JARID2: variants seen among roughly 807,000 people sequenced by gnomAD.
JARID2 encodes protein Jumonji.
In JARID2, 21 loss-of-function variants were observed where a neutral mutation model predicts 125.6. That is an observed-to-expected ratio of 0.17 (90% CI 0.12 to 0.24). The LOEUF is 0.24. JARID2 is among the 10% of genes least tolerant of loss of function. The pLI is 1.00. For missense variants in JARID2, 1,303 were observed against 1,639.6 expected, an observed-to-expected ratio of 0.79 and a Z score of 3.55; for synonymous variants, 736 against 661.6, an observed-to-expected ratio of 1.11 and a Z score of -1.73.
At chr6:15,470,176 C>CA (rs34467447) in intron 5 of JARID2, among the ~76,000 whole-genome samples, 82,249 of 128,616 alleles carry the variant, frequency 0.64, 24,994 homozygotes, top group East Asian at 0.78. Flanking sequence ...GACTCTGTCT[C>CA]AAAAAAAAAA....
chr6:15,377,076 C>T (rs1764383275), intron 2 of JARID2, among the ~76,000 whole-genome samples: 1 of 152,152 alleles, frequency 6.6e-6, no homozygotes, highest in Non-Finnish European at 1.5e-5. Flanking sequence ...CACTCATGTC[C>T]TATCTCATAG....
intron 4 of JARID2, among the ~76,000 whole-genome samples, chr6:15,454,606 T>A (rs1009088121): frequency 2.6e-5 from 4 of 151,772 alleles, no homozygotes; most frequent in African/African-American, 9.7e-5. Context: ...ACCTCTCCAA[T>A]AGCTAGACCT....
intron 1 of JARID2, chr6:15,247,875 T>C: frequency 2.0e-6 from 2 of 985,428 alleles, no homozygotes; most frequent in Non-Finnish European, 2.4e-6. Context: ...CTGGGTAGAA[T>C]GCAAAGGACT....
intron 5 of JARID2, among the ~76,000 whole-genome samples, chr6:15,471,727 G>T (rs535456873): frequency 6.6e-6 from 1 of 152,234 alleles, no homozygotes; most frequent in South Asian, 2.1e-4. Context: ...CATCTGCATG[G>T]ATCTTAGGTA....
chr6:15,320,850 C>CTGTGTGTG (rs71535033), intron 1 of JARID2, among the ~76,000 whole-genome samples: 201 of 135,116 alleles, frequency 1.5e-3, no homozygotes, highest in African/African-American at 4.8e-3. Context: ...CTCTCTCTCT[C>CTGTGTGTG]TCTGTGTGTG....
At chr6:15,508,523 G>T in intron 12 of JARID2, 69 bp downstream of exon 12, 1 of 854,650 alleles carries the variant, frequency 1.2e-6, no homozygotes. Flanking sequence ...AGTGGGGCCT[G>T]TGGGTAACTT....
chr6:15,280,157 G>A (rs759373718), intron 1 of JARID2, among the ~76,000 whole-genome samples: 1 of 152,032 alleles, frequency 6.6e-6, no homozygotes. Context: ...TTAAAAAAGG[G>A]TAAAATAAAC....
chr6:15,324,155 G>C (rs1327079966), intron 1 of JARID2, among the ~76,000 whole-genome samples: 2 of 151,608 alleles, frequency 1.3e-5, no homozygotes, highest in Non-Finnish European at 2.9e-5. Flanking sequence ...CTCCAGCCTG[G>C]GGGACAGAGC....
chr6:15,337,372 C>G (rs568809834), intron 1 of JARID2, among the ~76,000 whole-genome samples: 7 of 152,354 alleles, frequency 4.6e-5, no homozygotes, highest in African/African-American at 1.7e-4. Context: ...CTCTAAAGCT[C>G]GACAGACACA....
At chr6:15,481,971 T>C (rs1355966424) in intron 5 of JARID2, among the ~76,000 whole-genome samples, 1 of 152,258 alleles carries the variant, frequency 6.6e-6, no homozygotes. Flanking sequence ...ACCGCTTTGC[T>C]GTCCATAGTA....
At chr6:15,470,906 G>T (rs1323146300) in intron 5 of JARID2, among the ~76,000 whole-genome samples, 2 of 152,284 alleles carry the variant, frequency 1.3e-5, no homozygotes, top group East Asian at 3.9e-4. Context: ...GAAAGACCTG[G>T]GCACGAGAAA....
chr6:15,298,944 G>A (rs1345813011), intron 1 of JARID2, among the ~76,000 whole-genome samples: 1 of 142,846 alleles, frequency 7.0e-6, no homozygotes, highest in Non-Finnish European at 1.5e-5. Context: ...ACTAGAACAA[G>A]AGAAGTTAGT....
chr6:15,290,178 A>G (rs1761153978), intron 1 of JARID2, among the ~76,000 whole-genome samples: 1 of 152,182 alleles, frequency 6.6e-6, no homozygotes, highest in Non-Finnish European at 1.5e-5. Flanking sequence ...TAGCTTGTCC[A>G]TTATTTTCAG....
At position 15,446,161 on chromosome 6, in the gene JARID2, A is replaced by G. The variant is rs561683089; in HGVS notation, c.324-5845A>G. Among the ~76,000 whole-genome samples the G allele has an allele frequency of 1.9e-3, 292 of 152,284 alleles. 1 individual carries two copies. The highest frequency in any genetic ancestry group is 6.9e-3 in the African/African-American group (285 of 41,550). Reference sequence around the variant, plus strand: ...TAAATCATGAGTGATGGGTTGTATAATTCTCAGCAACTATAGCAGTATAGT... The same window carrying G: ...TAAATCATGAGTGATGGGTTGTATAGTTCTCAGCAACTATAGCAGTATAGT... On this transcript the variant is annotated intron_variant, in intron 3 of 17. Transcript: ENST00000341776.
At chr6:15,433,712 G>A (rs1385739225) in intron 3 of JARID2, among the ~76,000 whole-genome samples, 1 of 152,082 alleles carries the variant, frequency 6.6e-6, no homozygotes, top group East Asian at 1.9e-4. Context: ...CACATCAATT[G>A]CATCATACAG....
chr6:15,506,765 C>T (rs1771024435), intron 9 of JARID2, among the ~76,000 whole-genome samples: 1 of 152,200 alleles, frequency 6.6e-6, no homozygotes, highest in South Asian at 2.1e-4. Context: ...CCTCCAGGTT[C>T]ATCTATGTTG....
At chr6:15,303,551 C>G (rs970721563) in intron 1 of JARID2, among the ~76,000 whole-genome samples, 1 of 152,220 alleles carries the variant, frequency 6.6e-6, no homozygotes, top group African/African-American at 2.4e-5. Context: ...CATAGGCTTT[C>G]TATACATTTA....
chr6:15,270,775 C>T (rs1355047573), intron 1 of JARID2, among the ~76,000 whole-genome samples: 3 of 151,996 alleles, frequency 2.0e-5, no homozygotes, highest in Non-Finnish European at 4.4e-5. Context: ...TGGTGAAACC[C>T]TGTCTCTACT....
At chr6:15,387,815 T>C (rs1482256828) in intron 2 of JARID2, among the ~76,000 whole-genome samples, 1 of 152,146 alleles carries the variant, frequency 6.6e-6, no homozygotes, top group Non-Finnish European at 1.5e-5. Context: ...GTGATGGTCC[T>C]GGGAGGATGT....
Sources: allele counts gnomAD v4.1 joint callset (sites outside exome capture counted in the v4.1 genomes callset), GRCh38; gene constraint gnomAD v4.1.1; transcripts MANE v1.5; gene names NCBI Gene and HGNC (gene_info 2026-07-23, HGNC 2026-07-21).